The following GRHL2 variants were observed in gnomAD, a reference collection of about 807,000 sequenced individuals.
The protein encoded by GRHL2 is grainyhead like transcription factor 2, also known as grainyhead-like protein 2 homolog.
Under a neutral mutation model 83.8 loss-of-function variants are expected in GRHL2, and 21 were observed. That is an observed-to-expected ratio of 0.25 (90% CI 0.18 to 0.36). The LOEUF (loss-of-function observed/expected upper bound fraction) is 0.36, where lower values mean the gene tolerates loss of function less well. Among genes scored for constraint, GRHL2 ranks in the 10% least tolerant of loss-of-function variants. The pLI is 1.00. For synonymous variants in GRHL2, 280 were observed against 278.9 expected (o/e 1.00, Z -0.04); for missense variants, 623 against 781.8 (o/e 0.80, Z 2.42).
At chr8:101,604,707 T>C (rs1812595120) in intron 8 of GRHL2, among the ~76,000 whole-genome samples, 1 of 152,214 alleles carries the variant, frequency 6.6e-6, no homozygotes, top group African/African-American at 2.4e-5. Flanking sequence ...TGAAGCTTTT[T>C]TTAAATTGCT....
chr8:101,526,667 G>A (rs372687263), intron 1 of GRHL2, among the ~76,000 whole-genome samples: 5 of 151,478 alleles, frequency 3.3e-5, no homozygotes, highest in South Asian at 4.2e-4. Context: ...GTCTGAACAC[G>A]TAGTTTGTCA....
At chr8:101,648,537 G>A (rs1372189109) in intron 13 of GRHL2, among the ~76,000 whole-genome samples, 1 of 152,104 alleles carries the variant, frequency 6.6e-6, no homozygotes, top group Non-Finnish European at 1.5e-5. Flanking sequence ...CAGTAGCTCT[G>A]CGAGGCAGAT....
chr8:101,497,491 C>G (rs1194458606), intron 1 of GRHL2, among the ~76,000 whole-genome samples: 1 of 152,188 alleles, frequency 6.6e-6, no homozygotes, highest in Admixed American at 6.5e-5. Context: ...CAAAGTTAAC[C>G]TAACTGAAAA....
At chr8:101,642,300 T>C (rs1028380593) in intron 12 of GRHL2, among the ~76,000 whole-genome samples, 1 of 152,260 alleles carries the variant, frequency 6.6e-6, no homozygotes, top group Non-Finnish European at 1.5e-5. Flanking sequence ...CAAGATGTTA[T>C]TTTAATGGCA....
chr8:101,665,529 T>C lies in GRHL2; in HGVS notation c.1763+1011T>C, dbSNP rs1352063924. Among the ~76,000 whole-genome samples the C allele has an allele frequency of 2.6e-5, 4 of 152,310 alleles. No individual in the cohort carries two copies. The East Asian group carries it at 7.7e-4, about 29-fold the overall frequency. ...TCACTAAAATGCACGTTATACTTCT[T>C]GCCGAGGTCAATGTAGTAGGCTGGG... On this transcript the variant is annotated intron_variant, in intron 15 of 15. Coordinates refer to ENST00000646743, the MANE Select transcript of GRHL2 (RefSeq NM_024915.4).
chr8:101,662,366 C>T (rs951657538), intron 14 of GRHL2, among the ~76,000 whole-genome samples: 1 of 152,218 alleles, frequency 6.6e-6, no homozygotes, highest in African/African-American at 2.4e-5. Context: ...GCTCTCTGCT[C>T]ACCTGTTCCA....
chr8:101,674,894 C>T, the GRHL2 span, among the ~76,000 whole-genome samples: 3 of 152,132 alleles, frequency 2.0e-5, no homozygotes, highest in African/African-American at 7.2e-5. Context: ...GGATGCAAGG[C>T]TGGTTCAACA....
downstream of GRHL2, among the ~76,000 whole-genome samples, chr8:101,671,453 A>G (rs1814207397): frequency 6.6e-6 from 1 of 152,134 alleles, no homozygotes; most frequent in African/African-American, 2.4e-5. Context: ...GGCGGCAGCG[A>G]TGCTGGGGGA....
Position 101,552,190 on chromosome 8 carries a change from G to C in GRHL2, c.217-525G>C, listed in dbSNP as rs540013113. ...AAGCTGTGTAGGAAGGTGGACAAAG[G>C]GGGGCCCAGGTATACTGGATGCTTC... On this transcript the variant is annotated intron_variant, in intron 2 of 15. Transcript: ENST00000646743. 1.1e-3 allele frequency among the ~76,000 whole-genome samples: 163 copies of C among 152,216 alleles called. 2 individuals carry two copies. The highest frequency in any genetic ancestry group is 3.5e-3 in the African/African-American group (147 of 41,534).
At chr8:101,529,410 G>A (rs1188296795) in intron 1 of GRHL2, 3 of 151,162 alleles carry the variant, frequency 2.0e-5, no homozygotes, top group Non-Finnish European at 4.2e-5. Flanking sequence ...TCCAGCCTGG[G>A]CAACAGAGTA....
chr8:101,510,661 G>GA (rs1429921853), intron 1 of GRHL2, among the ~76,000 whole-genome samples: 2 of 151,994 alleles, frequency 1.3e-5, no homozygotes, highest in Non-Finnish European at 2.9e-5. Context: ...AATTTAGTGA[G>GA]AAAAAAGATA....
At chr8:101,588,414 A>C (rs776753083) in intron 7 of GRHL2, among the ~76,000 whole-genome samples, 1 of 152,252 alleles carries the variant, frequency 6.6e-6, no homozygotes, top group Non-Finnish European at 1.5e-5. Flanking sequence ...GACTAGCAAC[A>C]TGAGTCATTC....
In GRHL2 at chr8:101,570,647, A is replaced by ATC. The variant is rs1419327226; in HGVS notation, c.734+253_734+254insTC. ...CATTCTTTTGTAGGTGTTCCTCTGA[A>ATC]CCTCATACTCATGTGCTTCCAGCCC... On this transcript the variant is annotated intron_variant, in intron 5 of 15. Transcript: ENST00000646743. Among the ~76,000 whole-genome samples, 398 of 151,976 alleles carry ATC rather than the reference A, an allele frequency of 2.6e-3. 2 individuals carry two copies. Among genetic ancestry groups the ATC allele is most frequent in the Non-Finnish European group, 3.7e-3 (249 of 67,924 alleles).
intron 14 of GRHL2, among the ~76,000 whole-genome samples, chr8:101,652,724 A>G (rs1295339563): frequency 2.0e-5 from 3 of 152,010 alleles, no homozygotes; most frequent in Non-Finnish European, 4.4e-5. Flanking sequence ...TAGCTGGACA[A>G]GTTTCTTAAC....
intron 7 of GRHL2, among the ~76,000 whole-genome samples, chr8:101,583,614 A>C (rs1391503962): frequency 6.6e-6 from 1 of 152,224 alleles, no homozygotes; most frequent in Non-Finnish European, 1.5e-5. Flanking sequence ...ACTTATTTGC[A>C]CAGTGGAGTT....
chr8:101,588,083 C>T (rs1181824109), intron 7 of GRHL2, among the ~76,000 whole-genome samples: 1 of 152,092 alleles, frequency 6.6e-6, no homozygotes, highest in East Asian at 1.9e-4. Flanking sequence ...AGTTTCTCTG[C>T]TTTTGGAAAG....
intron 1 of GRHL2, among the ~76,000 whole-genome samples, chr8:101,500,382 T>G (rs1296082662): frequency 6.6e-6 from 1 of 152,220 alleles, no homozygotes; most frequent in Non-Finnish European, 1.5e-5. Context: ...TTTCTTCCTT[T>G]GGATTAATTC....
chr8:101,649,315 C>T, intron 13 of GRHL2, 99 bp from the exon 14 acceptor site: 1 of 906,954 alleles, frequency 1.1e-6, no homozygotes, highest in Non-Finnish European at 1.8e-6. Context: ...GCAGGAGGTG[C>T]CACTCTCCAA....
intron 1 of GRHL2, among the ~76,000 whole-genome samples, chr8:101,517,614 T>TA (rs1417992094): frequency 6.6e-6 from 1 of 152,162 alleles, no homozygotes; most frequent in African/African-American, 2.4e-5. Flanking sequence ...TCTGTGTAGT[T>TA]AAAAAAATTC....
Sources: gnomAD v4.1 joint callset for allele counts (sites outside exome capture counted in the v4.1 genomes callset) on GRCh38, gnomAD v4.1.1 for gene constraint, MANE v1.5 for transcripts, NCBI Gene and HGNC (gene_info 2026-07-23, HGNC 2026-07-21) for gene names.